Variants in DMXL1 observed in about 807,000 individuals in gnomAD.
The protein encoded by DMXL1 is Dmx like 1.
In DMXL1, 99 loss-of-function variants were observed where a neutral mutation model predicts 319.2. The ratio of observed to expected loss-of-function variants is 0.31; its 90% CI spans 0.26 to 0.37. DMXL1 has a LOEUF of 0.37. DMXL1 is among the 10% of genes least tolerant of loss of function. The pLI, the probability that DMXL1 is intolerant of heterozygous loss-of-function variation, is 1.00. For missense variants in DMXL1, 3,745 were observed against 3,595.6 expected (o/e 1.04, Z -1.06); for synonymous variants, 1,385 against 1,235.2 (o/e 1.12, Z -2.54).
At chr5:119,240,111 A>G (rs1317129030) in intron 41 of DMXL1, among the ~76,000 whole-genome samples, 4 of 152,150 alleles carry the variant, frequency 2.6e-5, no homozygotes, top group African/African-American at 4.8e-5. Flanking sequence ...TCTACAAAAA[A>G]AAATTTAAAA....
At chr5:119,098,500 G>A (rs1323511092) in intron 2 of DMXL1, among the ~76,000 whole-genome samples, 1 of 150,436 alleles carries the variant, frequency 6.6e-6, no homozygotes. Context: ...TAACTTCTAT[G>A]TAACAAGGGC....
intron 41 of DMXL1, 56 bp from the exon 42 acceptor site, chr5:119,240,363 A>G (rs1788550026): frequency 7.7e-6 from 10 of 1,302,852 alleles, no homozygotes; most frequent in South Asian, 1.3e-5. Flanking sequence ...TATATGACAT[A>G]TTTTTTATTG....
intron 36 of DMXL1, 88 bp from the exon 37 acceptor site, chr5:119,220,852 G>C: frequency 6.8e-7 from 1 of 1,461,434 alleles, no homozygotes; most frequent in African/African-American, 1.4e-5. Context: ...ATTTTAAAGG[G>C]AACTATAAAT....
rs1792685389 is a variant in DMXL1, at chr5:119,171,158, C to T, written c.6367C>T (p.Leu2123Phe). 1 of 1,613,976 alleles carries T rather than the reference C, an allele frequency of 6.2e-7. No individual in the cohort carries two copies. ...RENFQEKRQW[L>F]LKYQSLLRMF... The stretch of plus-strand genomic sequence containing the variant: ...AAATTTTCAGGAAAAAAGACAGTGG[C>T]TCTTGAAGTATCAGTCACTTTTGAG... Residue 2123 changes from leucine to phenylalanine, a missense_variant, in exon 24 of 44, where the codon CTC (leucine) becomes TTC (phenylalanine). Leu to Phe is a conservative substitution (Grantham distance 22, BLOSUM62 0). Around this residue, in one of 4 missense-constraint regions of DMXL1, gnomAD observed 1,382 missense variants for 1,269.5 expected, o/e 1.09. Transcript: ENST00000539542.
At chr5:119,180,416 C>T (rs758634777) in intron 28 of DMXL1, among the ~76,000 whole-genome samples, 1 of 151,982 alleles carries the variant, frequency 6.6e-6, no homozygotes, top group Admixed American at 6.6e-5. Flanking sequence ...CTGATACCAT[C>T]CTGCCTATTA....
chr5:119,157,027 T>TC (rs1771244248), intron 19 of DMXL1, among the ~76,000 whole-genome samples: 1 of 151,988 alleles, frequency 6.6e-6, no homozygotes, highest in South Asian at 2.1e-4. Flanking sequence ...TTTTTTTTTT[T>TC]CCCCCAAGAG....
rs1026232806 is a variant in DMXL1 at position 119,189,824 on chromosome 5, C to T, written c.7252C>T (p.Leu2418=). 1.2e-6 allele frequency: 2 copies of T among 1,614,108 alleles called. No individual in the cohort carries two copies. The highest frequency in any genetic ancestry group is 1.7e-6 in the Non-Finnish European group (2 of 1,179,984). ...CTCGGCACCAGTAAGCCAGGAGTCA[C>T]TGGCGGTTAAAGAAAAGTTCATCCC... is the stretch of plus-strand genomic sequence containing the variant. ...PSSAPVSQES[L]AVKEKFIPPE... Residue 2418 remains leucine, a synonymous_variant, in exon 29 of 44, where the codon CTG becomes TTG. Coordinates refer to ENST00000539542, the MANE Select transcript of DMXL1 (RefSeq NM_001290321.3).
chr5:119,160,710 ATATATT>A (rs1273778839), intron 19 of DMXL1, among the ~76,000 whole-genome samples: 3 of 152,102 alleles, frequency 2.0e-5, no homozygotes, highest in Non-Finnish European at 4.4e-5. Flanking sequence ...TTGAGTACAT[ATATATT>A]TATAATTATT....
chr5:119,096,097 A>C (rs1755888336), intron 1 of DMXL1, among the ~76,000 whole-genome samples: 1 of 152,038 alleles, frequency 6.6e-6, no homozygotes, highest in Admixed American at 6.6e-5. Context: ...TGTTCTCTCA[A>C]GTCCCATTTT....
At position 119,116,257 on chromosome 5, in the gene DMXL1, G is replaced by C. The variant is rs1760820115; in HGVS notation, c.664G>C (p.Asp222His). The C allele has an allele frequency of 1.2e-6, 2 of 1,613,982 alleles. No homozygotes were observed. The highest frequency in any genetic ancestry group is 1.7e-6 in the Non-Finnish European group (2 of 1,179,960). ...SSEKQSQGEI[D>H]FSFVYLAHPR... Reference sequence around the variant, plus strand: ...AGAAAAACAATCCCAAGGAGAAATTGACTTTTCTTTTGTGTATCTGGCCCA... The same window carrying C: ...AGAAAAACAATCCCAAGGAGAAATTCACTTTTCTTTTGTGTATCTGGCCCA... Residue 222 changes from aspartate (D) to histidine (H), a missense_variant, in exon 7 of 44, where the codon GAC becomes CAC. By Grantham distance (81) the Asp-to-His change is moderately conservative (BLOSUM62 -1). Coordinates refer to ENST00000539542, the MANE Select transcript of DMXL1 (RefSeq NM_001290321.3).
At chr5:119,213,396 C>T (rs954555436) in intron 34 of DMXL1, among the ~76,000 whole-genome samples, 5 of 152,158 alleles carry the variant, frequency 3.3e-5, no homozygotes, top group Non-Finnish European at 5.9e-5. Flanking sequence ...TCTGCTTTCA[C>T]CTACCCAAGA....
intron 25 of DMXL1, among the ~76,000 whole-genome samples, 163 bp from the exon 26 acceptor site, chr5:119,175,096 CAT>C (rs1166621359): frequency 3.9e-5 from 6 of 151,926 alleles, no homozygotes; most frequent in Admixed American, 6.6e-5. Context: ...TAGTAAGACT[CAT>C]GTAGATAAAA....
chr5:119,124,323 A>AC (rs1762998276), intron 9 of DMXL1, among the ~76,000 whole-genome samples: 1 of 151,666 alleles, frequency 6.6e-6, no homozygotes, highest in South Asian at 2.1e-4. Flanking sequence ...ATCTCAAAAA[A>AC]AAAAAAAAAA....
At chr5:119,178,470 T>C (rs982330710) in intron 28 of DMXL1, 1 of 428,076 alleles carries the variant, frequency 2.3e-6, no homozygotes, top group Non-Finnish European at 3.1e-6. Context: ...CTTATGTAAA[T>C]TTATTAAATA....
chr5:119,213,021 A>C (rs1473520490), intron 34 of DMXL1, among the ~76,000 whole-genome samples: 5 of 152,174 alleles, frequency 3.3e-5, no homozygotes, highest in Admixed American at 3.3e-4. Flanking sequence ...AAGCAGCTGA[A>C]CATGTTTGGA....
At chr5:119,073,330 AG>A (rs1447834427) in intron 1 of DMXL1, among the ~76,000 whole-genome samples, 1 of 152,168 alleles carries the variant, frequency 6.6e-6, no homozygotes, top group Non-Finnish European at 1.5e-5. Flanking sequence ...CCAAAATGCT[AG>A]GATTAGAGGC....
At chr5:119,242,737 G>T (rs1410040074) in intron 42 of DMXL1, among the ~76,000 whole-genome samples, 4 of 152,120 alleles carry the variant, frequency 2.6e-5, no homozygotes, top group Non-Finnish European at 2.9e-5. Flanking sequence ...AGACATTGTG[G>T]TATTAGCTTA....
chr5:119,159,842 T>G (rs1418774838), intron 19 of DMXL1, among the ~76,000 whole-genome samples: 2 of 152,234 alleles, frequency 1.3e-5, no homozygotes, highest in Non-Finnish European at 2.9e-5. Context: ...CAGGCTGGTC[T>G]CGAACTCCTG....
chr5:119,138,740 G>A (rs1766601523), intron 13 of DMXL1: 1 of 152,228 alleles, frequency 6.6e-6, no homozygotes, highest in Non-Finnish European at 1.5e-5. Flanking sequence ...GGGAGGCTGA[G>A]GCAGGAGAAT....
Sources: allele counts gnomAD v4.1 joint callset (sites outside exome capture counted in the v4.1 genomes callset), GRCh38; gene constraint gnomAD v4.1.1; regional missense constraint gnomAD v4.1.1; transcripts MANE v1.5; gene names NCBI Gene and HGNC (gene_info 2026-07-23, HGNC 2026-07-21).